CA8: variants seen among roughly 807,000 people sequenced by gnomAD.
CA8 encodes carbonic anhydrase 8 (inactive).
CA8 carries 22 observed loss-of-function variants against 41.4 expected under a neutral mutation model. That is an observed-to-expected ratio of 0.53 (90% CI 0.38 to 0.76). The LOEUF is 0.76. Among genes scored for constraint, CA8 ranks in the 30% least tolerant of loss-of-function variants. CA8 has a pLI of 0.00. For synonymous variants in CA8, 121 were observed against 130.6 expected (o/e 0.93, Z 0.50); for missense variants, 270 against 352.8 (o/e 0.77, Z 1.88).
chr8:60,235,438 C>T (rs1449287996), intron 3 of CA8, among the ~76,000 whole-genome samples: 2 of 152,224 alleles, frequency 1.3e-5, no homozygotes, highest in African/African-American at 4.8e-5. Flanking sequence ...GGAATTGGCA[C>T]TTCAACATGA....
chr8:60,249,101 C>G (rs1462264826), intron 3 of CA8, among the ~76,000 whole-genome samples: 1 of 152,106 alleles, frequency 6.6e-6, no homozygotes, highest in Non-Finnish European at 1.5e-5. Flanking sequence ...TAAATTATAT[C>G]TCAATAAAGC....
intron 8 of CA8, among the ~76,000 whole-genome samples, chr8:60,198,122 G>A (rs896683537): frequency 6.6e-6 from 1 of 152,138 alleles, no homozygotes; most frequent in South Asian, 2.1e-4. Flanking sequence ...ATGTGGTGTC[G>A]TGAAAAGAGC....
chr8:60,265,893 A>T, intron 3 of CA8, 32 bp downstream of exon 3: 1 of 1,611,610 alleles, frequency 6.2e-7, no homozygotes, highest in Non-Finnish European at 8.5e-7. Context: ...TTCAGAAAAC[A>T]AGATTTTTAC....
chr8:60,231,099 C>T (rs190852744), intron 4 of CA8, among the ~76,000 whole-genome samples: 118 of 152,206 alleles, frequency 7.8e-4, no homozygotes, highest in African/African-American at 2.6e-3. Flanking sequence ...TAACAGTAGT[C>T]TTTCATGATT....
intron 3 of CA8, among the ~76,000 whole-genome samples, chr8:60,262,001 T>C (rs867177330): frequency 6.6e-6 from 1 of 152,324 alleles, no homozygotes; most frequent in East Asian, 1.9e-4. Flanking sequence ...TGAGCCACTG[T>C]GCCCAGCCCC....
chr8:60,266,340 A>G (rs1337605719), intron 2 of CA8, among the ~76,000 whole-genome samples: 1 of 152,232 alleles, frequency 6.6e-6, no homozygotes, highest in Non-Finnish European at 1.5e-5. Context: ...GTAGACAAGA[A>G]AAACAAATTC....
intron 2 of CA8, among the ~76,000 whole-genome samples, chr8:60,275,582 A>G (rs917512146): frequency 6.6e-6 from 1 of 152,146 alleles, no homozygotes; most frequent in African/African-American, 2.4e-5. Flanking sequence ...GAGGAAATCT[A>G]CTAGAAAGTA....
intron 7 of CA8, among the ~76,000 whole-genome samples, chr8:60,212,680 ATTTCAGTTAT>A: frequency 6.6e-6 from 1 of 152,300 alleles, no homozygotes; most frequent in East Asian, 1.9e-4. Context: ...AGGGTACAAA[ATTTCAGTTAT>A]GCAAGATAAA....
At chr8:60,209,049 T>A in intron 7 of CA8, 130 bp from the exon 8 acceptor site, 2 of 1,070,190 alleles carry the variant, frequency 1.9e-6, no homozygotes, top group Middle Eastern at 2.4e-4. Flanking sequence ...AAAATTAAGC[T>A]TCAAAAAGAA....
At chr8:60,238,291 G>T (rs796109955) in intron 3 of CA8, among the ~76,000 whole-genome samples, 32 of 152,240 alleles carry the variant, frequency 2.1e-4, no homozygotes, top group African/African-American at 7.7e-4. Context: ...TAATACGACG[G>T]CAGCAAAGTA....
chr8:60,249,262 A>G (rs1018768157), intron 3 of CA8, among the ~76,000 whole-genome samples: 4 of 152,334 alleles, frequency 2.6e-5, no homozygotes, highest in Non-Finnish European at 5.9e-5. Flanking sequence ...CTTAGCAGAA[A>G]AACAGAAAGA....
chr8:60,272,200 T>A (rs146155025), intron 2 of CA8, among the ~76,000 whole-genome samples: 2,363 of 152,286 alleles, frequency 0.016, 28 homozygotes, highest in Non-Finnish European at 0.026. Flanking sequence ...TGACATTCTG[T>A]AGATTGCATC....
intron 2 of CA8, among the ~76,000 whole-genome samples, chr8:60,269,716 T>A (rs1345619033): frequency 6.6e-6 from 1 of 152,216 alleles, no homozygotes; most frequent in East Asian, 1.9e-4. Flanking sequence ...AGTTTTGAGA[T>A]CAACTCGACA....
intron 8 of CA8, among the ~76,000 whole-genome samples, chr8:60,204,876 T>C (rs1488344905): frequency 6.6e-6 from 1 of 152,194 alleles, no homozygotes; most frequent in African/African-American, 2.4e-5. Flanking sequence ...GAGTGAACAT[T>C]CTCACTTTCC....
intron 3 of CA8, among the ~76,000 whole-genome samples, chr8:60,235,512 A>G (rs1046173906): frequency 2.0e-5 from 3 of 152,222 alleles, no homozygotes; most frequent in Non-Finnish European, 4.4e-5. Context: ...TTTGCTCACC[A>G]TAAGAAAGTC....
rs79991833 is a variant in CA8, at chr8:60,219,697, G to A, written c.738+2952C>T. Among the ~76,000 whole-genome samples the A allele has an allele frequency of 3.5e-3, 527 of 152,134 alleles. 1 individual carries two copies. The highest frequency in any genetic ancestry group is 0.012 in the African/African-American group (491 of 41,508). ...TGTTGAAGAGGGCACACCAAAAGGG[G>A]CAGGAGTTAAGCACCCAGCACTGAC... On this transcript the variant is annotated intron_variant, in intron 7 of 8. Coordinates refer to ENST00000317995, the MANE Select transcript of CA8 (RefSeq NM_004056.6).
intron 3 of CA8, among the ~76,000 whole-genome samples, chr8:60,254,046 G>A (rs1462625654): frequency 6.6e-6 from 1 of 152,178 alleles, no homozygotes; most frequent in Non-Finnish European, 1.5e-5. Flanking sequence ...GGCTTCCTGA[G>A]TGTGTTTTGA....
intron 3 of CA8, among the ~76,000 whole-genome samples, chr8:60,257,311 T>C (rs1563374231): frequency 1.3e-5 from 2 of 152,200 alleles, no homozygotes; most frequent in African/African-American, 4.8e-5. Context: ...TCAGGATGTT[T>C]TGACAAGATT....
rs546856264 is a variant in CA8 at position 60,228,719 on chromosome 8, C to G, written c.514-1784G>C. ...AGACTGTGGAACAGGCTTGGGTCAT[C>G]ATAATTCACTTAATGTCCATTATTA... On this transcript the variant is annotated intron_variant, in intron 4 of 8. Coordinates refer to ENST00000317995, the MANE Select transcript of CA8 (RefSeq NM_004056.6). Among the ~76,000 whole-genome samples, 10 of 152,330 alleles carry G rather than the reference C, an allele frequency of 6.6e-5. No homozygotes were observed. The South Asian group carries it at 1.4e-3, about 22-fold the overall frequency.
Sources: gnomAD v4.1 joint callset for allele counts (sites outside exome capture counted in the v4.1 genomes callset) on GRCh38, gnomAD v4.1.1 for gene constraint, MANE v1.5 for transcripts, NCBI Gene and HGNC (gene_info 2026-07-23, HGNC 2026-07-21) for gene names.